The following GRIN2A variants were observed in gnomAD, a reference collection of about 807,000 sequenced individuals.
The protein encoded by GRIN2A is glutamate ionotropic receptor NMDA type subunit 2A.
GRIN2A carries 22 observed loss-of-function variants against 113.4 expected under a neutral mutation model. The observed-to-expected ratio is 0.19, with a 90% CI of 0.14 to 0.28. The LOEUF is 0.28. Ranked by LOEUF, GRIN2A falls within the 10% of genes least tolerant of loss-of-function variation. The probability of loss-of-function intolerance (pLI) is 1.00; values close to 1 mark genes in which losing one functional copy is unlikely to be tolerated. For synonymous variants in GRIN2A, 827 were observed against 738.4 expected (o/e 1.12, Z -1.94); for missense variants, 1,502 against 1,887.0 (o/e 0.80, Z 3.78).
At chr16:9,975,622 A>G (rs555863757) in intron 2 of GRIN2A, among the ~76,000 whole-genome samples, 1 of 152,308 alleles carries the variant, frequency 6.6e-6, no homozygotes, top group East Asian at 1.9e-4. Context: ...GAGAAGAGAG[A>G]CATGAAAAAC....
chr16:9,841,207 T>C lies in GRIN2A; in HGVS notation c.1329-103A>G, dbSNP rs578043767. 1.2e-5 allele frequency: 12 copies of C among 1,020,478 alleles called. No homozygotes were observed. The African/African-American group carries it at 1.3e-4, about 11-fold the overall frequency. The allele number at this position is 1,020,478 out of a possible 1,614,324, so 63.2% of individuals were successfully genotyped here. The stretch of plus-strand genomic sequence containing the variant: ...TATTTTTCAGATGAGTAAACTGAAG[T>C]TTAAAAGGGGAAGTGGCTTTCCCAA... On this transcript the variant is annotated intron_variant, in intron 5 of 12. Transcript: ENST00000330684.
chr16:9,946,422 T>C (rs1329929935), intron 2 of GRIN2A, among the ~76,000 whole-genome samples: 3 of 152,186 alleles, frequency 2.0e-5, no homozygotes, highest in Non-Finnish European at 4.4e-5. Flanking sequence ...GAAACAGCTT[T>C]ATTTTGCAAG....
intron 11 of GRIN2A, among the ~76,000 whole-genome samples, chr16:9,794,240 A>G (rs1902816976): frequency 6.6e-6 from 1 of 152,344 alleles, no homozygotes; most frequent in South Asian, 2.1e-4. Flanking sequence ...GGCTTCATGT[A>G]AGAGGTTCCC....
In GRIN2A at chr16:9,764,850, G is replaced by A. The variant is rs569998469; in HGVS notation, c.2694C>T (p.Leu898=). 1.4e-4 allele frequency: 218 copies of A among 1,614,202 alleles called. 2 individuals are homozygous for A. The South Asian group carries it at 2.3e-3, about 17-fold the overall frequency. The change falls in exon 13 of 13, where the codon CTC becomes CTT. Residue 898 remains leucine (L), a synonymous_variant. Transcript: ENST00000330684. ...TGCTGGAAATGTTTTTGGCTGACCG[G>A]AGGAGTTTTAACATGTTGCTCTGGG... is the stretch of plus-strand genomic sequence containing the variant. ...TGSQSNMLKL[L]RSAKNISSMS... is the part of the protein sequence containing the mutation.
chr16:9,914,384 T>G (rs2044200999), intron 3 of GRIN2A, among the ~76,000 whole-genome samples: 1 of 152,210 alleles, frequency 6.6e-6, no homozygotes, highest in Admixed American at 6.5e-5. Flanking sequence ...GCCACCATAC[T>G]GGTTTCTATT....
In GRIN2A at chr16:9,865,972, G is replaced by A. The variant is rs116990346; in HGVS notation, c.1123-16011C>T. 8.5e-3 allele frequency among the ~76,000 whole-genome samples: 1,294 copies of A among 152,276 alleles called. 10 individuals carry two copies. The highest frequency in any genetic ancestry group is 0.014 in the Middle Eastern group (4 of 294). ...GCTTATTTCCTTACATAGCCTCAAC[G>A]CTTGCCTTTGCACTAAAAATGCAGA... is the stretch of plus-strand genomic sequence containing the variant. On this transcript the variant is annotated intron_variant, in intron 4 of 12. Coordinates refer to ENST00000330684, the MANE Select transcript of GRIN2A (RefSeq NM_001134407.3).
At chr16:10,135,141 C>G (rs567513006) in intron 2 of GRIN2A, among the ~76,000 whole-genome samples, 1 of 152,334 alleles carries the variant, frequency 6.6e-6, no homozygotes, top group South Asian at 2.1e-4. Flanking sequence ...CAGGCTGCCC[C>G]TTCAACACTT....
chr16:9,814,600 C>T (rs1158071586), intron 10 of GRIN2A, among the ~76,000 whole-genome samples: 1 of 152,208 alleles, frequency 6.6e-6, no homozygotes, highest in Non-Finnish European at 1.5e-5. Flanking sequence ...CACCCTCCTT[C>T]TGAAATATCC....
rs201951938 is a variant in GRIN2A, at chr16:10,180,157, G to A, written c.255C>T (p.His85=). ...NRTDPKSLIT[H]VCDLMSGARI... is the part of the protein sequence containing the mutation. ...GTGCCCCGGACATGAGGTCGCACAC[G>A]TGCGTGATGAGGCTCTTGGGGTCGG... is the stretch of plus-strand genomic sequence containing the variant. Residue 85 remains histidine, a synonymous_variant, in exon 2 of 13, where the codon CAC becomes CAT. Transcript: ENST00000330684. This position sits in a 1 kb window ranked among gnomAD's most constrained non-coding sequence, Gnocchi z 7.0. 6.2e-7 allele frequency: 1 copy of A among 1,614,228 alleles called. No homozygotes were observed. The highest frequency in any genetic ancestry group is 1.3e-5 in the African/African-American group (1 of 75,074).
Position 9,903,247 on chromosome 16 carries a change from C to T in GRIN2A, c.1008-12147G>A, listed in dbSNP as rs147970236. Among the ~76,000 whole-genome samples, 1,310 of 152,170 alleles carry T rather than the reference C, an allele frequency of 8.6e-3. 23 individuals carry two copies. The highest frequency in any genetic ancestry group is 0.03 in the African/African-American group (1,236 of 41,512). On this transcript the variant is annotated intron_variant, in intron 3 of 12. Transcript: ENST00000330684. ...CCTCCCAAAGTGCTGGGATTACAGG[C>T]GTGAGTCACCGTGCCCGGCCTCTCT... is the stretch of plus-strand genomic sequence containing the variant.
intron 2 of GRIN2A, among the ~76,000 whole-genome samples, chr16:10,128,355 G>T (rs2048989104): frequency 1.3e-5 from 2 of 152,176 alleles, no homozygotes; most frequent in Non-Finnish European, 2.9e-5. Context: ...AGTGATGTCA[G>T]AAATGATCGT....
At chr16:9,781,575 A>G (rs1901937986) in intron 11 of GRIN2A, among the ~76,000 whole-genome samples, 1 of 152,070 alleles carries the variant, frequency 6.6e-6, no homozygotes, top group Non-Finnish European at 1.5e-5. Context: ...TGCCCAGGCT[A>G]GTCTTGAACT....
At chr16:9,983,656 G>C (rs1294685795) in intron 2 of GRIN2A, among the ~76,000 whole-genome samples, 1 of 152,140 alleles carries the variant, frequency 6.6e-6, no homozygotes, top group Non-Finnish European at 1.5e-5. Flanking sequence ...AGCCAGGATA[G>C]TCTCTATCTC....
At chr16:9,805,358 C>G (rs1205103310) in intron 10 of GRIN2A, 2 of 152,166 alleles carry the variant, frequency 1.3e-5, no homozygotes, top group East Asian at 1.9e-4. Flanking sequence ...TTCAAGAAGC[C>G]TTTAACAAGA....
intron 2 of GRIN2A, among the ~76,000 whole-genome samples, chr16:10,174,620 C>T (rs1426918177): frequency 6.6e-6 from 1 of 151,872 alleles, no homozygotes; most frequent in Non-Finnish European, 1.5e-5. Flanking sequence ...TTATTTATAA[C>T]ACAAAAAAAC....
At chr16:9,956,127 G>T (rs1031731577) in intron 2 of GRIN2A, among the ~76,000 whole-genome samples, 2 of 152,188 alleles carry the variant, frequency 1.3e-5, no homozygotes, top group African/African-American at 4.8e-5. Context: ...TTTGTGACAG[G>T]TAATTTAAAT....
chr16:9,929,600 C>T (rs889699866), intron 3 of GRIN2A, among the ~76,000 whole-genome samples: 3 of 152,190 alleles, frequency 2.0e-5, no homozygotes, highest in Admixed American at 6.5e-5. Flanking sequence ...TGTTTCTACA[C>T]ATTAAAGCCT....
rs897672171 is a variant in GRIN2A at position 9,838,399 on chromosome 16, G to A, written c.1651+2248C>T. 3.3e-5 allele frequency among the ~76,000 whole-genome samples: 5 copies of A among 152,130 alleles called. No individual in the cohort carries two copies. In the South Asian group the frequency reaches 8.3e-4, roughly 25 times the overall value. ...TTGCAAAGATATGGAATCAACCTAT[G>A]AGCCCATCAACTGATGATTGCATAA... On this transcript the variant is annotated intron_variant, in intron 7 of 12. Transcript: ENST00000330684.
intron 10 of GRIN2A, among the ~76,000 whole-genome samples, chr16:9,813,088 C>T (rs1010049753): frequency 5.3e-5 from 8 of 152,194 alleles, no homozygotes; most frequent in Non-Finnish European, 1.0e-4. Flanking sequence ...CTGTAATAAC[C>T]GTATCAGCAA....
Sources: allele counts gnomAD v4.1 joint callset (sites outside exome capture counted in the v4.1 genomes callset), GRCh38; gene constraint gnomAD v4.1.1; non-coding constraint Gnocchi (gnomAD v3.1); transcripts MANE v1.5; gene names NCBI Gene and HGNC (gene_info 2026-07-23, HGNC 2026-07-21).